The following PGM1 variants were observed in gnomAD, a reference collection of about 807,000 sequenced individuals.
PGM1 encodes phosphoglucomutase 1.
Under a neutral mutation model 55.6 loss-of-function variants are expected in PGM1, and 52 were observed. That is an observed-to-expected ratio of 0.94 (90% CI 0.75 to 1.18). The LOEUF (loss-of-function observed/expected upper bound fraction) is 1.18. Ranked by LOEUF, PGM1 falls within the 50% of genes most tolerant of loss-of-function variation. The pLI is 0.00. For synonymous variants in PGM1, 287 were observed against 271.7 expected (o/e 1.06, Z -0.55); for missense variants, 724 against 729.3 (o/e 0.99, Z 0.08).
At chr1:63,654,098 G>T (rs1649891593) in intron 9 of PGM1, among the ~76,000 whole-genome samples, 1 of 152,138 alleles carries the variant, frequency 6.6e-6, no homozygotes, top group South Asian at 2.1e-4. Flanking sequence ...CTGAGGTCAG[G>T]TCTCCCCTGA....
chr1:63,657,079 A>ATAT, intron 10 of PGM1, among the ~76,000 whole-genome samples: 1 of 152,372 alleles, frequency 6.6e-6, no homozygotes, highest in East Asian at 1.9e-4. Flanking sequence ...TCAAGACATC[A>ATAT]TATTATATAC....
intron 1 of PGM1, among the ~76,000 whole-genome samples, chr1:63,625,058 A>G (rs1648982952): frequency 6.6e-6 from 1 of 152,198 alleles, no homozygotes; most frequent in African/African-American, 2.4e-5. Context: ...TAATCTTTTG[A>G]GAGGGAACGA....
intron 9 of PGM1, among the ~76,000 whole-genome samples, chr1:63,653,113 G>T (rs71645545): frequency 1.3e-5 from 2 of 152,182 alleles, no homozygotes; most frequent in African/African-American, 2.4e-5. Flanking sequence ...GTGTGTATAG[G>T]AGACAGTGGC....
At chr1:63,635,062 C>T in intron 5 of PGM1, 43 bp downstream of exon 5, 1 of 1,540,760 alleles carries the variant, frequency 6.5e-7, no homozygotes, top group Non-Finnish European at 9.0e-7. Context: ...GCAGGCCAGG[C>T]CTGATCCTGC....
chr1:63,636,140 A>G (rs1649355025), intron 5 of PGM1, 94 bp from the exon 6 acceptor site: 1 of 1,224,048 alleles, frequency 8.2e-7, no homozygotes, highest in Non-Finnish European at 1.2e-6. Context: ...TTCAAATTTT[A>G]TAGTTTTACA....
intron 1 of PGM1, among the ~76,000 whole-genome samples, chr1:63,614,719 A>G (rs1366725873): frequency 6.6e-6 from 1 of 152,082 alleles, no homozygotes; most frequent in African/African-American, 2.4e-5. Flanking sequence ...GCCCATCTCC[A>G]CAATCTACCT....
Position 63,659,758 on chromosome 1 carries a change from G to A in PGM1, c.*83G>A. On this transcript the variant is annotated 3_prime_UTR_variant, in exon 11 of 11. Transcript: ENST00000371084. Reference sequence around the variant, plus strand: ...TTGAAGAGCATGACAGAAACAAAATGTATTCACCAAGCATTTTAGGATTTG... The same window carrying A: ...TTGAAGAGCATGACAGAAACAAAATATATTCACCAAGCATTTTAGGATTTG... The A allele has an allele frequency of 9.7e-7, 1 of 1,031,432 alleles. No individual in the cohort carries two copies. The highest frequency in any genetic ancestry group is 1.5e-6 in the Non-Finnish European group (1 of 653,642). 63.9% of individuals were successfully genotyped at this position (1,031,432 alleles called of 1,614,324 possible).
rs371402218 is a variant in PGM1 at position 63,651,076 on chromosome 1, GA to G, written c.1281-582del. On this transcript the variant is annotated intron_variant, in intron 8 of 10. Transcript: ENST00000371084. ...TATCTTGAAACTTACTAAAATTAAT[GA>G]AAAAAAAAAAGGCATTTTAGATGTA... Among the ~76,000 whole-genome samples the G allele has an allele frequency of 9.4e-3, 1,354 of 143,654 alleles. 15 individuals are homozygous for G. Among genetic ancestry groups the G allele is most frequent in the African/African-American group, 0.021 (838 of 39,472 alleles). 94.2% of individuals were successfully genotyped at this position (143,654 alleles called of 152,430 possible).
At chr1:63,599,403 A>G (rs973499618) in intron 1 of PGM1, among the ~76,000 whole-genome samples, 3 of 151,928 alleles carry the variant, frequency 2.0e-5, no homozygotes, top group African/African-American at 7.3e-5. Context: ...TGACCTCATC[A>G]TCCGCCCGCC....
chr1:63,654,269 A>G, intron 9 of PGM1, 63 bp from the exon 10 acceptor site: 9 of 1,551,406 alleles, frequency 5.8e-6, no homozygotes, highest in South Asian at 2.2e-5. Context: ...TAGACCCCTC[A>G]TAATTTGCCA....
At chr1:63,607,748 C>T (rs1222441995) in intron 1 of PGM1, among the ~76,000 whole-genome samples, 5 of 152,178 alleles carry the variant, frequency 3.3e-5, no homozygotes, top group Non-Finnish European at 5.9e-5. Context: ...GAACCATGCA[C>T]GCACTCCAGT....
Position 63,593,714 on chromosome 1 carries a change from C to T in PGM1, c.226C>T (p.Arg76Cys), listed in dbSNP as rs144653742. Residue 76 changes from arginine to cysteine, a missense_variant, in exon 1 of 11, where the codon CGC becomes TGC. Around this residue, in one of 3 missense-constraint regions of PGM1, gnomAD observed 379 missense variants for 357.5 expected, o/e 1.06. Transcript: ENST00000371084. The stretch of plus-strand genomic sequence containing the variant: ...GAAGGAGGCCATCCAGCTCATCGCT[C>T]GCATCGCTGCCGCCAACGGGGTAAG... The part of the protein sequence containing the change: ...YMKEAIQLIA[R>C]IAAANGIGRL... 2.5e-6 allele frequency: 4 copies of T among 1,598,680 alleles called. No individual in the cohort carries two copies. The African/African-American group carries it at 4.0e-5, about 16-fold the overall frequency.
chr1:63,653,107 G>A (rs1649859555), intron 9 of PGM1, among the ~76,000 whole-genome samples: 1 of 152,188 alleles, frequency 6.6e-6, no homozygotes, highest in Non-Finnish European at 1.5e-5. Flanking sequence ...GTAAAGGTGT[G>A]TATAGGAGAC....
At chr1:63,648,896 C>T (rs1329130505) in intron 8 of PGM1, among the ~76,000 whole-genome samples, 1 of 152,118 alleles carries the variant, frequency 6.6e-6, no homozygotes, top group Non-Finnish European at 1.5e-5. Flanking sequence ...GCTTTATAAG[C>T]ATTTTAAATG....
rs752232600 is a variant in PGM1, at chr1:63,638,677, C to G, written c.1029-8C>G. ...CTGTGATGTAACTTTGATTTCATGC[C>G]TTTGAAGGGTGGCTAGTGCTACAAA... is the stretch of plus-strand genomic sequence containing the variant. On this transcript the variant is annotated splice_region_variant and splice_polypyrimidine_tract_variant and intron_variant, in intron 6 of 10. Transcript: ENST00000371084. 68 of 1,595,660 alleles carry G rather than the reference C, an allele frequency of 4.3e-5. No individual in the cohort carries two copies. Among genetic ancestry groups the G allele is most frequent in the Non-Finnish European group, 5.6e-5 (65 of 1,163,326 alleles).
chr1:63,605,912 C>T (rs991679235), intron 1 of PGM1, among the ~76,000 whole-genome samples: 1 of 152,204 alleles, frequency 6.6e-6, no homozygotes, highest in African/African-American at 2.4e-5. Flanking sequence ...GCTAAGCCTG[C>T]TGCTTACTGT....
At chr1:63,643,721 G>C (rs1427228837) in intron 7 of PGM1, among the ~76,000 whole-genome samples, 1 of 152,204 alleles carries the variant, frequency 6.6e-6, no homozygotes, top group Non-Finnish European at 1.5e-5. Context: ...CTGACTTTGG[G>C]CCAACCCCTG....
rs150853193 is a variant in PGM1, at chr1:63,617,296, G to A, written c.247-12129G>A. Among the ~76,000 whole-genome samples the A allele has an allele frequency of 6.6e-5, 10 of 152,216 alleles. No homozygotes were observed. The East Asian group carries it at 1.9e-3, about 29-fold the overall frequency. On this transcript the variant is annotated intron_variant, in intron 1 of 10. Coordinates refer to ENST00000371084, the MANE Select transcript of PGM1 (RefSeq NM_002633.3). ...AGGACCCAGGTACTACGGAGCCCTGGTCAGCCCTGTAAAGAGATGTAAGCA... is the reference window on the plus strand; with the variant it reads ...AGGACCCAGGTACTACGGAGCCCTGATCAGCCCTGTAAAGAGATGTAAGCA...
In PGM1 at chr1:63,654,477, G is replaced by A; in HGVS notation, c.1599+11G>A. ...AACCAGGACCCCCAGGTAACGCCCA[G>A]CCCTGTGCCCTGGTTAGTTCTTTCT... is the stretch of plus-strand genomic sequence containing the variant. On this transcript the variant is annotated intron_variant, in intron 10 of 10. Coordinates refer to ENST00000371084, the MANE Select transcript of PGM1 (RefSeq NM_002633.3). The A allele has an allele frequency of 6.2e-7, 1 of 1,613,636 alleles. No individual in the cohort carries two copies. Among genetic ancestry groups the A allele is most frequent in the African/African-American group, 1.3e-5 (1 of 75,056 alleles).
Sources: allele counts gnomAD v4.1 joint callset (sites outside exome capture counted in the v4.1 genomes callset), GRCh38; gene constraint gnomAD v4.1.1; regional missense constraint gnomAD v4.1.1; transcripts MANE v1.5; gene names NCBI Gene and HGNC (gene_info 2026-07-23, HGNC 2026-07-21).